The following RAB11FIP4 variants were observed in gnomAD, a reference collection of about 807,000 sequenced individuals.
The protein encoded by RAB11FIP4 is RAB11 family interacting protein 4, also known as rab11 family-interacting protein 4.
In RAB11FIP4, 23 loss-of-function variants were observed where a neutral mutation model predicts 74.3. The observed-to-expected ratio is 0.31, with a 90% CI of 0.22 to 0.44. RAB11FIP4 has a LOEUF of 0.44. RAB11FIP4 is among the 20% of genes least tolerant of loss of function. The pLI is 1.00. For missense variants in RAB11FIP4, 630 were observed against 863.9 expected (o/e 0.73, Z 3.39); for synonymous variants, 360 against 359.9 (o/e 1.00, Z 0.00).
At chr17:31,488,092 CG>C (rs1165704200) in intron 3 of RAB11FIP4, 1 of 1,015,514 alleles carries the variant, frequency 9.8e-7, no homozygotes, top group Non-Finnish European at 1.2e-6. Context: ...CGGGCGGGGG[CG>C]GGGCCGCGCC....
intron 3 of RAB11FIP4, among the ~76,000 whole-genome samples, chr17:31,499,506 C>T (rs564453341): frequency 4.7e-4 from 72 of 152,270 alleles, no homozygotes; most frequent in African/African-American, 1.7e-3. Context: ...CAGGCACGTG[C>T]CACCGTGTCC....
chr17:31,526,234 G>C (rs2072764662), intron 10 of RAB11FIP4: 1 of 152,268 alleles, frequency 6.6e-6, no homozygotes, highest in African/African-American at 2.4e-5. Context: ...TCGGCAGCTG[G>C]CCCAAGAGAG....
At chr17:31,462,790 C>T (rs932628679) in intron 3 of RAB11FIP4, among the ~76,000 whole-genome samples, 3 of 152,142 alleles carry the variant, frequency 2.0e-5, no homozygotes, top group African/African-American at 7.2e-5. Flanking sequence ...GTGCGTGCCA[C>T]CACGTCTGGC....
intron 3 of RAB11FIP4, among the ~76,000 whole-genome samples, chr17:31,508,770 A>G (rs1361139593): frequency 6.6e-6 from 1 of 152,144 alleles, no homozygotes; most frequent in Non-Finnish European, 1.5e-5. Context: ...CCAGGAGGTT[A>G]TCTGACATCT....
chr17:31,506,439 G>A (rs1300779352), intron 3 of RAB11FIP4, among the ~76,000 whole-genome samples: 1 of 152,122 alleles, frequency 6.6e-6, no homozygotes, highest in Non-Finnish European at 1.5e-5. Flanking sequence ...AATACACATT[G>A]TTGTTAATTG....
At chr17:31,505,877 C>CTT (rs78513216) in intron 3 of RAB11FIP4, among the ~76,000 whole-genome samples, 1 of 135,992 alleles carries the variant, frequency 7.4e-6, no homozygotes, top group African/African-American at 2.7e-5. Flanking sequence ...TTCTTTTTTA[C>CTT]TTTTTTTTTT....
chr17:31,462,989 C>G (rs1360147634), intron 3 of RAB11FIP4, among the ~76,000 whole-genome samples: 3 of 152,190 alleles, frequency 2.0e-5, no homozygotes, highest in African/African-American at 7.2e-5. Context: ...CAGCTTCAGT[C>G]CTCAAACAAA....
At chr17:31,524,506 C>T (rs867468800) in intron 9 of RAB11FIP4, 5 of 169,616 alleles carry the variant, frequency 2.9e-5, no homozygotes, top group South Asian at 1.4e-4. Context: ...GCCAGGGGTC[C>T]GGTCCTCCAA....
chr17:31,425,742 A>G (rs2071242435), intron 1 of RAB11FIP4, among the ~76,000 whole-genome samples: 1 of 152,188 alleles, frequency 6.6e-6, no homozygotes, highest in Non-Finnish European at 1.5e-5. Context: ...CAGTGACAAC[A>G]GCTGCTTCTG....
intron 1 of RAB11FIP4, among the ~76,000 whole-genome samples, chr17:31,418,044 T>G (rs1257256326): frequency 6.6e-6 from 1 of 152,136 alleles, no homozygotes; most frequent in Non-Finnish European, 1.5e-5. Flanking sequence ...TGAGCTATGA[T>G]CATGCCACTG....
intron 3 of RAB11FIP4, among the ~76,000 whole-genome samples, chr17:31,452,405 T>TG (rs1469237654): frequency 6.6e-6 from 1 of 152,148 alleles, no homozygotes; most frequent in African/African-American, 2.4e-5. Flanking sequence ...CTCAGTGCTC[T>TG]GGGGGATTAG....
chr17:31,445,762 T>G (rs2071458125), intron 3 of RAB11FIP4, among the ~76,000 whole-genome samples: 1 of 150,396 alleles, frequency 6.6e-6, no homozygotes, highest in Admixed American at 6.6e-5. Context: ...ATTTTTTTTT[T>G]GTATTTTTAG....
chr17:31,429,971 C>T (rs1396707797), intron 1 of RAB11FIP4, among the ~76,000 whole-genome samples: 1 of 152,064 alleles, frequency 6.6e-6, no homozygotes, highest in Non-Finnish European at 1.5e-5. Flanking sequence ...ATGTCAATCT[C>T]TTTTTAGTTA....
chr17:31,454,947 C>T (rs530511764), intron 3 of RAB11FIP4, among the ~76,000 whole-genome samples: 2 of 152,250 alleles, frequency 1.3e-5, no homozygotes, highest in African/African-American at 2.4e-5. Context: ...GGTGAACTGA[C>T]GATTAGCACC....
At chr17:31,445,148 A>G (rs1014713004) in intron 3 of RAB11FIP4, among the ~76,000 whole-genome samples, 1 of 152,188 alleles carries the variant, frequency 6.6e-6, no homozygotes, top group Admixed American at 6.5e-5. Flanking sequence ...GTGCAAGAAT[A>G]AAGAGTAGAT....
At chr17:31,447,118 A>C (rs917906382) in intron 3 of RAB11FIP4, among the ~76,000 whole-genome samples, 35 of 152,186 alleles carry the variant, frequency 2.3e-4, no homozygotes, top group African/African-American at 8.0e-4. Context: ...CCCCGTCTCC[A>C]CTAAAAATAC....
chr17:31,432,049 G>A (rs562559190), intron 2 of RAB11FIP4, 149 bp downstream of exon 2: 16 of 600,304 alleles, frequency 2.7e-5, no homozygotes, highest in South Asian at 6.3e-5. Flanking sequence ...TCTGGCTTCC[G>A]GGGGGGCCAG....
At position 31,446,035 on chromosome 17, in the gene RAB11FIP4, CT is replaced by C. The variant is rs200468897; in HGVS notation, c.336+11922del. Among the ~76,000 whole-genome samples, 38 of 141,816 alleles carry C rather than the reference CT, an allele frequency of 2.7e-4. No homozygotes were observed. In the South Asian group the frequency reaches 5.6e-3, roughly 21 times the overall value. 93.0% of individuals were successfully genotyped at this position (141,816 alleles called of 152,430 possible). A position where few individuals can be genotyped will look rare whatever the true frequency, so the allele number is the denominator to read the frequency against. On this transcript the variant is annotated intron_variant, in intron 3 of 14. Transcript: ENST00000621161. ...TTCTTTTCTTTCTTTCTATTTTTTT[CT>C]TTTTTTTTACTCCTAATGACATTGA...
intron 1 of RAB11FIP4, among the ~76,000 whole-genome samples, chr17:31,424,195 C>T (rs2071225468): frequency 6.6e-6 from 1 of 152,166 alleles, no homozygotes; most frequent in Non-Finnish European, 1.5e-5. Context: ...GTTTTCCTCC[C>T]CAATTCACCT....
Sources: gnomAD v4.1 joint callset for allele counts (sites outside exome capture counted in the v4.1 genomes callset) on GRCh38, gnomAD v4.1.1 for gene constraint, MANE v1.5 for transcripts, NCBI Gene and HGNC (gene_info 2026-07-23, HGNC 2026-07-21) for gene names.